The following MCMDC2 variants were observed in gnomAD, a reference collection of about 807,000 sequenced individuals.
The protein encoded by MCMDC2 is minichromosome maintenance domain-containing protein 2.
MCMDC2 carries 54 observed loss-of-function variants against 75.8 expected under a neutral mutation model. That is an observed-to-expected ratio of 0.71 (90% CI 0.57 to 0.89). The LOEUF (loss-of-function observed/expected upper bound fraction) is 0.89. Among genes scored for constraint, MCMDC2 ranks in the 40% least tolerant of loss-of-function variants. The pLI is 0.00. For synonymous variants in MCMDC2, 249 were observed against 274.6 expected (o/e 0.91, Z 0.92); for missense variants, 656 against 780.4 (o/e 0.84, Z 1.90).
chr8:66,913,962 TA>T (rs961586876), intron 14 of MCMDC2, among the ~76,000 whole-genome samples: 4,519 of 78,578 alleles, frequency 0.058, 176 homozygotes, highest in African/African-American at 0.15. Context: ...AGACTCTGTC[TA>T]AAAAAAAAAA....
chr8:66,920,539 A>ATACTT lies in MCMDC2; in HGVS notation c.*1371_*1375dup, dbSNP rs1813485926. The stretch of plus-strand genomic sequence containing the variant: ...ACTGGCGACTGTAGTTTTCAACAAA[A>ATACTT]TACTTACATATTACAGTTCTATAAT... On this transcript the variant is annotated 3_prime_UTR_variant, in exon 15 of 15. Coordinates refer to ENST00000422365, the MANE Select transcript of MCMDC2 (RefSeq NM_173518.5). 1.3e-5 allele frequency: 2 copies of ATACTT among 152,314 alleles called. No homozygotes were observed. Among genetic ancestry groups the ATACTT allele is most frequent in the South Asian group, 4.1e-4 (2 of 4,828 alleles). 9.4% of individuals were successfully genotyped at this position (152,314 alleles called of 1,614,324 possible). A position where few individuals can be genotyped will look rare whatever the true frequency, so the allele number is the denominator to read the frequency against.
chr8:66,916,334 A>T (rs1813318619), intron 14 of MCMDC2, among the ~76,000 whole-genome samples: 1 of 152,146 alleles, frequency 6.6e-6, no homozygotes, highest in Admixed American at 6.5e-5. Context: ...TAGGTTTGTA[A>T]GTCTGGCCAT....
intron 9 of MCMDC2, among the ~76,000 whole-genome samples, chr8:66,885,938 G>A (rs1417528545): frequency 6.6e-6 from 1 of 152,104 alleles, no homozygotes; most frequent in Non-Finnish European, 1.5e-5. Context: ...TACATCAGTA[G>A]TTCATTGTTT....
At chr8:66,886,305 C>T (rs1395223075) in intron 9 of MCMDC2, among the ~76,000 whole-genome samples, 3 of 151,972 alleles carry the variant, frequency 2.0e-5, no homozygotes, top group Non-Finnish European at 4.4e-5. Flanking sequence ...GCTGGGATTA[C>T]AGGCACATGC....
rs781156760 is a variant in MCMDC2, at chr8:66,896,791, G to C, written c.1458G>C (p.Leu486Phe). The C allele has an allele frequency of 5.0e-6, 8 of 1,607,538 alleles. No homozygotes were observed. The highest frequency in any genetic ancestry group is 3.4e-6 in the Non-Finnish European group (4 of 1,177,616). ...TTGGTTTGATGTAGGATTGCAGTTT[G>C]ATTCCAGCTAACCTTGTGGAGGCAT... ...NTLIGQMDCSLIPANLVEAFG... is the reference protein window; with the variant it reads ...NTLIGQMDCSFIPANLVEAFG... Residue 486 changes from leucine (L) to phenylalanine (F), a missense_variant, in exon 12 of 15, where the codon TTG becomes TTC. Physicochemically the swap from Leu to Phe is conservative, Grantham distance 22 (BLOSUM62 0). Coordinates refer to ENST00000422365, the MANE Select transcript of MCMDC2 (RefSeq NM_173518.5).
In MCMDC2 at chr8:66,920,795, TCCGAGTAG is replaced by T. The variant is rs1361038697; in HGVS notation, c.*1628_*1635del. ...GCAAGTAATTCTCCCACCTTAGGCC[TCCGAGTAG>T]CTGGGACTACAGGGACATGCTACCA... On this transcript the variant is annotated 3_prime_UTR_variant, in exon 15 of 15. Coordinates refer to ENST00000422365, the MANE Select transcript of MCMDC2 (RefSeq NM_173518.5). 5.9e-5 allele frequency: 9 copies of T among 151,984 alleles called. No individual in the cohort carries two copies. Among genetic ancestry groups the T allele is most frequent in the African/African-American group, 1.9e-4 (8 of 41,354 alleles). The allele number at this position is 151,984 out of a possible 1,614,324, so 9.4% of individuals were successfully genotyped here.
At chr8:66,887,918 T>C (rs1465368492) in intron 9 of MCMDC2, among the ~76,000 whole-genome samples, 1 of 152,226 alleles carries the variant, frequency 6.6e-6, no homozygotes, top group Non-Finnish European at 1.5e-5. Context: ...GAACTCTCTT[T>C]TCTAATACTT....
At chr8:66,884,317 A>G (rs1176714893) in intron 9 of MCMDC2, 3 of 331,028 alleles carry the variant, frequency 9.1e-6, no homozygotes, top group African/African-American at 2.1e-5. Flanking sequence ...CTAAGGAACA[A>G]ACTAACCATT....
chr8:66,917,700 T>C (rs576929816), intron 14 of MCMDC2, among the ~76,000 whole-genome samples: 18 of 152,256 alleles, frequency 1.2e-4, no homozygotes, highest in Non-Finnish European at 2.1e-4. Context: ...TAGCATAATG[T>C]TCTCAAGGTT....
intron 12 of MCMDC2, among the ~76,000 whole-genome samples, chr8:66,900,858 G>C (rs1812626052): frequency 6.6e-6 from 1 of 152,166 alleles, no homozygotes; most frequent in Non-Finnish European, 1.5e-5. Context: ...AGAAACTTAC[G>C]AGGAAAAAAC....
intron 10 of MCMDC2, among the ~76,000 whole-genome samples, chr8:66,891,313 T>C (rs1181547013): frequency 6.6e-6 from 1 of 152,238 alleles, no homozygotes; most frequent in Non-Finnish European, 1.5e-5. Flanking sequence ...TTTCCTCTTC[T>C]TGTCTAGTGA....
At chr8:66,873,020 T>C (rs1187475879) in intron 1 of MCMDC2, among the ~76,000 whole-genome samples, 2 of 151,990 alleles carry the variant, frequency 1.3e-5, no homozygotes, top group Non-Finnish European at 2.9e-5. Context: ...TCATTATTTC[T>C]GACTTCTCTG....
intron 12 of MCMDC2, among the ~76,000 whole-genome samples, chr8:66,897,756 T>G (rs1255504553): frequency 1.3e-5 from 2 of 152,228 alleles, no homozygotes; most frequent in African/African-American, 4.8e-5. Flanking sequence ...ATATGTGACA[T>G]GTTCAGAGAA....
chr8:66,873,271 C>G (rs1811112239), intron 1 of MCMDC2, among the ~76,000 whole-genome samples: 1 of 152,128 alleles, frequency 6.6e-6, no homozygotes, highest in Admixed American at 6.6e-5. Context: ...TCATCTGATA[C>G]AACACTTTCC....
At chr8:66,895,042 A>G (rs1812282612) in intron 10 of MCMDC2, among the ~76,000 whole-genome samples, 1 of 152,238 alleles carries the variant, frequency 6.6e-6, no homozygotes, top group Admixed American at 6.5e-5. Flanking sequence ...GGGCCTCTGC[A>G]GATACCAAAA....
At position 66,919,175 on chromosome 8, in the gene MCMDC2, T is replaced by C; in HGVS notation, c.*6T>C. The C allele has an allele frequency of 6.5e-7, 1 of 1,533,200 alleles. No homozygotes were observed. Among genetic ancestry groups the C allele is most frequent in the African/African-American group, 1.4e-5 (1 of 72,214 alleles). 95.0% of individuals were successfully genotyped at this position (1,533,200 alleles called of 1,614,324 possible). On this transcript the variant is annotated 3_prime_UTR_variant, in exon 15 of 15. Coordinates refer to ENST00000422365, the MANE Select transcript of MCMDC2 (RefSeq NM_173518.5). ...TTTTCTCTAGTGATGAATAAGCAAT[T>C]TGAGGAATTTTTGTTCATTCCTACT... is the stretch of plus-strand genomic sequence containing the variant.
chr8:66,906,680 C>G (rs1485939005), intron 14 of MCMDC2, among the ~76,000 whole-genome samples: 4 of 151,804 alleles, frequency 2.6e-5, no homozygotes, highest in African/African-American at 9.7e-5. Context: ...CCAACCAATA[C>G]TAAATAATAG....
At chr8:66,886,597 AC>A (rs1811851919) in intron 9 of MCMDC2, among the ~76,000 whole-genome samples, 1 of 151,690 alleles carries the variant, frequency 6.6e-6, no homozygotes, top group South Asian at 2.1e-4. Context: ...ATGTGGGGAA[AC>A]CCCATCTCTA....
chr8:66,882,313 C>A (rs1334281060), intron 8 of MCMDC2, among the ~76,000 whole-genome samples: 1 of 152,174 alleles, frequency 6.6e-6, no homozygotes, highest in Non-Finnish European at 1.5e-5. Flanking sequence ...CGCAGATTAT[C>A]AGAAGTCAAC....
Sources: allele counts gnomAD v4.1 joint callset (sites outside exome capture counted in the v4.1 genomes callset), GRCh38; gene constraint gnomAD v4.1.1; transcripts MANE v1.5; gene names NCBI Gene and HGNC (gene_info 2026-07-23, HGNC 2026-07-21).